PCNT: variants seen among roughly 807,000 people sequenced by gnomAD.
PCNT encodes pericentrin.
In PCNT, 319 loss-of-function variants were observed where a neutral mutation model predicts 380.4. The ratio of observed to expected loss-of-function variants is 0.84; its 90% CI spans 0.77 to 0.92. The LOEUF (loss-of-function observed/expected upper bound fraction) is 0.92, where lower values mean the gene tolerates loss of function less well. Ranked by LOEUF, PCNT falls within the 40% of genes least tolerant of loss-of-function variation. PCNT has a pLI of 0.00. For synonymous variants in PCNT, 1,845 were observed against 1,735.2 expected (o/e 1.06, Z -1.57); for missense variants, 4,400 against 4,255.3 (o/e 1.03, Z -0.95).
At position 46,326,432 on chromosome 21, in the gene PCNT, A is replaced by T; in HGVS notation, c.110A>T (p.Lys37Met). ...GGTGACAGTTCGCATTCGGAGAAAA[A>T]GACGGCGAAGAGGAAGGGCTCGGCT... ...TKGDSSHSEKKTAKRKGSAVD... is the reference protein window; with the variant it reads ...TKGDSSHSEKMTAKRKGSAVD... Residue 37 changes from lysine to methionine, a missense_variant, in exon 2 of 47, where the codon AAG becomes ATG. Transcript: ENST00000359568. 6.2e-7 allele frequency: 1 copy of T among 1,614,168 alleles called. No homozygotes were observed. Among genetic ancestry groups the T allele is most frequent in the South Asian group, 1.1e-5 (1 of 91,082 alleles).
chr21:46,338,970 C>T (rs548921844), intron 3 of PCNT, among the ~76,000 whole-genome samples: 17 of 152,154 alleles, frequency 1.1e-4, no homozygotes, highest in African/African-American at 3.6e-4. Flanking sequence ...CTAGTAGAGA[C>T]GGGGTTTCAC....
intron 13 of PCNT, among the ~76,000 whole-genome samples, chr21:46,357,759 C>T (rs902779857): frequency 6.6e-6 from 1 of 152,142 alleles, no homozygotes; most frequent in African/African-American, 2.4e-5. Context: ...GGGAAACTGT[C>T]CAGGTGTCCT....
intron 3 of PCNT, among the ~76,000 whole-genome samples, chr21:46,337,105 C>G (rs2083768537): frequency 6.6e-6 from 1 of 152,000 alleles, no homozygotes; most frequent in Non-Finnish European, 1.5e-5. Flanking sequence ...TCAAGTGATT[C>G]TCCTGCCTCA....
intron 22 of PCNT, 23 bp from the exon 23 acceptor site, chr21:46,397,991 C>G (rs747897914): frequency 6.4e-7 from 1 of 1,555,748 alleles, no homozygotes; most frequent in Non-Finnish European, 8.7e-7. Context: ...GGGGTGGTCC[C>G]AACACGCTGC....
At chr21:46,427,246 G>T (rs915095263) in intron 33 of PCNT, among the ~76,000 whole-genome samples, 1 of 152,242 alleles carries the variant, frequency 6.6e-6, no homozygotes, top group Admixed American at 6.5e-5. Flanking sequence ...CCTGGGCAGT[G>T]TGTGTCTTCT....
chr21:46,403,424 A>G (rs1325065399), intron 27 of PCNT, among the ~76,000 whole-genome samples: 1 of 139,108 alleles, frequency 7.2e-6, no homozygotes, highest in Non-Finnish European at 1.5e-5. Context: ...TGGTGAATGA[A>G]CACAGCGTGG....
At chr21:46,430,855 G>T in intron 37 of PCNT, 198 bp downstream of exon 37, 1 of 985,456 alleles carries the variant, frequency 1.0e-6, no homozygotes, top group South Asian at 4.7e-5. Flanking sequence ...AGGGCGAAGA[G>T]TGCGATGACC....
chr21:46,398,820 CTTTT>C (rs11331073), intron 24 of PCNT, among the ~76,000 whole-genome samples: 2 of 114,554 alleles, frequency 1.7e-5, no homozygotes, highest in Non-Finnish European at 3.6e-5. Context: ...TTTTCTTTTT[CTTTT>C]TTTTTTTTTT....
intron 6 of PCNT, 129 bp downstream of exon 6, chr21:46,347,641 G>C (rs1050054266): frequency 1.9e-5 from 16 of 839,422 alleles, no homozygotes; most frequent in Non-Finnish European, 3.1e-5. Flanking sequence ...GAATATGCTG[G>C]TTGAAAGTGT....
At position 46,438,150 on chromosome 21, in the gene PCNT, T is replaced by G. The variant is rs201660445; in HGVS notation, c.9100-14T>G. On this transcript the variant is annotated splice_polypyrimidine_tract_variant and intron_variant, in intron 40 of 46. Transcript: ENST00000359568. ...AACAACAAATTCTTACAAATTTATT[T>G]TCTTTTCTCCAAGAAAAAAATGGCA... 5.0e-6 allele frequency: 8 copies of G among 1,609,100 alleles called. No homozygotes were observed. In the Admixed American group the frequency reaches 1.0e-4, roughly 20 times the overall value.
At position 46,441,093 on chromosome 21, in the gene PCNT, C is replaced by T. The variant is rs547497950; in HGVS notation, c.9623+9C>T. 29 of 1,545,450 alleles carry T rather than the reference C, an allele frequency of 1.9e-5. No homozygotes were observed. The highest frequency in any genetic ancestry group is 4.5e-5 in the East Asian group (2 of 44,496). On this transcript the variant is annotated intron_variant, in intron 43 of 46. Transcript: ENST00000359568. ...GTCATTGCAATATTAAGGTAAATGC[C>T]ATGACGTTCAGTCAGTGCGTTCCGC...
In PCNT at chr21:46,413,007, G is replaced by T; in HGVS notation, c.6150+15G>T. 6.2e-7 allele frequency: 1 copy of T among 1,604,576 alleles called. No individual in the cohort carries two copies. Among genetic ancestry groups the T allele is most frequent in the Non-Finnish European group, 8.5e-7 (1 of 1,179,586 alleles). ...ACGGCGGCAAGGTGTGGGGAGGGGG[G>T]AAGGCGCGAGGTCCCCCCGGGAGAG... On this transcript the variant is annotated intron_variant, in intron 29 of 46. Transcript: ENST00000359568.
chr21:46,398,000 G>A lies in PCNT; in HGVS notation c.4447-14G>A. On this transcript the variant is annotated splice_polypyrimidine_tract_variant and intron_variant, in intron 22 of 46. Transcript: ENST00000359568. Reference sequence around the variant, plus strand: ...CCCGTTGGGGTGGTCCCAACACGCTGCCTCTCCTCCCAGGAGCAGGCAGCC... The same window carrying A: ...CCCGTTGGGGTGGTCCCAACACGCTACCTCTCCTCCCAGGAGCAGGCAGCC... The A allele has an allele frequency of 6.4e-7, 1 of 1,567,962 alleles. No individual in the cohort carries two copies. The highest frequency in any genetic ancestry group is 2.3e-5 in the East Asian group (1 of 42,646).
At chr21:46,402,543 G>C (rs1372783584) in intron 27 of PCNT, 60 bp downstream of exon 27, 1 of 1,579,276 alleles carries the variant, frequency 6.3e-7, no homozygotes, top group Non-Finnish European at 8.7e-7. Flanking sequence ...GGTGCCGAGC[G>C]GCCACCAAGA....
At chr21:46,334,166 C>G (rs984386952) in intron 2 of PCNT, among the ~76,000 whole-genome samples, 1 of 148,818 alleles carries the variant, frequency 6.7e-6, no homozygotes, top group Non-Finnish European at 1.5e-5. Flanking sequence ...GATTGTGCCA[C>G]TGCACTCCAG....
intron 16 of PCNT, among the ~76,000 whole-genome samples, chr21:46,383,334 A>T (rs11701839): frequency 2.3e-5 from 3 of 131,066 alleles, no homozygotes; most frequent in East Asian, 5.1e-4. Context: ...TGGCAGAAGC[A>T]CATTCACGGT....
intron 8 of PCNT, among the ~76,000 whole-genome samples, chr21:46,351,034 A>G (rs2084247399): frequency 6.6e-6 from 1 of 152,168 alleles, no homozygotes; most frequent in South Asian, 2.1e-4. Context: ...CCTATTTGGG[A>G]GTCTTGGGTA....
intron 21 of PCNT, among the ~76,000 whole-genome samples, chr21:46,395,402 GC>G: frequency 6.6e-6 from 1 of 151,814 alleles, no homozygotes; most frequent in Admixed American, 6.6e-5. Flanking sequence ...TCGGGACTCA[GC>G]AGCAGAGACT....
chr21:46,418,992 C>T (rs2087140012), intron 31 of PCNT, among the ~76,000 whole-genome samples: 1 of 152,198 alleles, frequency 6.6e-6, no homozygotes, highest in East Asian at 1.9e-4. Context: ...TGCTCACGCC[C>T]ACTGGTCTCA....
Sources: gnomAD v4.1 joint callset for allele counts (sites outside exome capture counted in the v4.1 genomes callset) on GRCh38, gnomAD v4.1.1 for gene constraint, MANE v1.5 for transcripts, NCBI Gene and HGNC (gene_info 2026-07-23, HGNC 2026-07-21) for gene names.